Variants in AGA observed in about 807,000 individuals in gnomAD.
AGA encodes the protein aspartylglucosaminidase.
AGA carries 31 observed loss-of-function variants against 40.1 expected under a neutral mutation model. The ratio of observed to expected loss-of-function variants is 0.77; its 90% CI spans 0.58 to 1.04. AGA has a LOEUF of 1.04. Among genes scored for constraint, AGA ranks in the 50% least tolerant of loss-of-function variants. The pLI is 0.00. For missense variants in AGA, 445 were observed against 435.4 expected (o/e 1.02, Z -0.20); for synonymous variants, 148 against 144.0 (o/e 1.03, Z -0.20).
In AGA at chr4:177,432,061, C is replaced by T. The variant is rs114891244; in HGVS notation, c.941-253G>A. On this transcript the variant is annotated intron_variant, in intron 8 of 8. Coordinates refer to ENST00000264595, the MANE Select transcript of AGA (RefSeq NM_000027.4). ...TTTGTTGTTGTTGTTGATCTATACA[C>T]ATGCTGTCACTGCTACGATTATTTA... 3.3e-3 allele frequency among the ~76,000 whole-genome samples: 510 copies of T among 152,286 alleles called. No homozygotes were observed. The highest frequency in any genetic ancestry group is 0.011 in the African/African-American group (458 of 41,572).
At position 177,442,433 on chromosome 4, in the gene AGA, C is replaced by T. The variant is rs772814540; in HGVS notation, c.-58G>A. On this transcript the variant is annotated 5_prime_UTR_variant, in exon 1 of 9. Coordinates refer to ENST00000264595, the MANE Select transcript of AGA (RefSeq NM_000027.4). ...GTCCCGGCAGCCAGCGATCGCCGAA[C>T]AATTAATCCCCAGTGCCCCGCCCGC... is the stretch of plus-strand genomic sequence containing the variant. 1.2e-6 allele frequency: 2 copies of T among 1,612,244 alleles called. No homozygotes were observed. Among genetic ancestry groups the T allele is most frequent in the South Asian group, 1.1e-5 (1 of 90,980 alleles).
At chr4:177,442,048 G>A (rs1195006842) in intron 1 of AGA, among the ~76,000 whole-genome samples, 1 of 152,200 alleles carries the variant, frequency 6.6e-6, no homozygotes, top group Non-Finnish European at 1.5e-5. Flanking sequence ...AGCGGTAGGT[G>A]GGGAGGATGC....
rs1736858568 is a variant in AGA, at chr4:177,437,406, A to G, written c.621T>C (p.Ile207=). The change falls in exon 5 of 9, where the codon ATT becomes ATC. Residue 207 remains isoleucine, a splice_region_variant and synonymous_variant. Coordinates refer to ENST00000264595, the MANE Select transcript of AGA (RefSeq NM_000027.4). ...ETEDDRGHDT[I]GMVVIHKTGH... is the part of the protein sequence containing the mutation. ...AAAACTGCACAAAAGGCAAATTACCAATAGTGTCATGACCACGATCATCTT... is the reference window on the plus strand; with the variant it reads ...AAAACTGCACAAAAGGCAAATTACCGATAGTGTCATGACCACGATCATCTT... The G allele has an allele frequency of 1.3e-6, 2 of 1,597,262 alleles. No homozygotes were observed. Among genetic ancestry groups the G allele is most frequent in the Admixed American group, 1.7e-5 (1 of 59,974 alleles).
rs762488104 is a variant in AGA at position 177,442,385 on chromosome 4, C to G, written c.-10G>C. On this transcript the variant is annotated 5_prime_UTR_variant, in exon 1 of 9. Coordinates refer to ENST00000264595, the MANE Select transcript of AGA (RefSeq NM_000027.4). ...TCGACTTCCGCGCCATCCCTGACCA[C>G]CGAAGAGACCAGCGCGAGAAAAGTC... The G allele has an allele frequency of 6.2e-7, 1 of 1,613,886 alleles. No individual in the cohort carries two copies. Among genetic ancestry groups the G allele is most frequent in the East Asian group, 2.2e-5 (1 of 44,880 alleles).
At position 177,433,080 on chromosome 4, in the gene AGA, C is replaced by T. The variant is rs911990155; in HGVS notation, c.940+134G>A. The T allele has an allele frequency of 4.2e-4, 524 of 1,251,410 alleles. 2 individuals carry two copies. The highest frequency in any genetic ancestry group is 5.3e-4 in the Non-Finnish European group (462 of 876,646). The allele number at this position is 1,251,410 out of a possible 1,614,324, so 77.5% of individuals were successfully genotyped here. On this transcript the variant is annotated intron_variant, in intron 8 of 8. Transcript: ENST00000264595. ...TGTGGGTCTTGAGATCATCAATGAA[C>T]ATTTACTCAATGCCCACTTAAGGAG...
chr4:177,439,304 C>T (rs1026749035), intron 3 of AGA, among the ~76,000 whole-genome samples: 1 of 152,110 alleles, frequency 6.6e-6, no homozygotes, highest in African/African-American at 2.4e-5. Flanking sequence ...TCACTTGAAC[C>T]CAGGAGGCAG....
rs537759103 is a variant in AGA at position 177,440,240 on chromosome 4, A to C, written c.281+33T>G. ...AGACCACAACTCTAAATGTAACTCAACATAATAAATAGGACCTGAACGGTG... is the reference window on the plus strand; with the variant it reads ...AGACCACAACTCTAAATGTAACTCACCATAATAAATAGGACCTGAACGGTG... On this transcript the variant is annotated intron_variant, in intron 2 of 8. Transcript: ENST00000264595. 5.0e-6 allele frequency: 8 copies of C among 1,613,016 alleles called. No individual in the cohort carries two copies. The South Asian group carries it at 7.7e-5, about 15-fold the overall frequency.
intron 8 of AGA, 130 bp from the exon 9 acceptor site, chr4:177,431,938 C>A (rs1417843536): frequency 2.6e-6 from 2 of 761,682 alleles, no homozygotes; most frequent in Non-Finnish European, 2.3e-6. Flanking sequence ...TGGAAATACA[C>A]TAGTGTCATC....
At chr4:177,436,424 CTGGTAATAACTGCTG>C in intron 5 of AGA, 73 bp from the exon 6 acceptor site, 1 of 965,876 alleles carries the variant, frequency 1.0e-6, no homozygotes, top group Admixed American at 1.8e-5. Context: ...AATTGAGCAA[CTGGTAATAACTGCTG>C]TGCTCTGAAT....
Position 177,441,722 on chromosome 4 carries a change from C to CAGATA in AGA, c.127+526_127+527insTATCT, listed in dbSNP as rs535279615. 2.0e-3 allele frequency among the ~76,000 whole-genome samples: 299 copies of CAGATA among 152,168 alleles called. 1 individual carries two copies. The highest frequency in any genetic ancestry group is 7.1e-3 in the African/African-American group (293 of 41,498). ...GGCAGGATGATTTTTGAGAAGCTCC[C>CAGATA]CAGATAGTGTGAATGTACAGCAAAG... On this transcript the variant is annotated intron_variant, in intron 1 of 8. Coordinates refer to ENST00000264595, the MANE Select transcript of AGA (RefSeq NM_000027.4).
intron 7 of AGA, among the ~76,000 whole-genome samples, chr4:177,434,172 T>G (rs2111008414): frequency 6.6e-6 from 1 of 152,072 alleles, no homozygotes; most frequent in Non-Finnish European, 1.5e-5. Context: ...TTTTTTGTAT[T>G]TTTAGTAGAA....
At position 177,440,412 on chromosome 4, in the gene AGA, C is replaced by T; in HGVS notation, c.142G>A (p.Ala48Thr). The change falls in exon 2 of 9, where the codon GCA becomes ACA. Residue 48 changes from alanine (A) to threonine (T), a missense_variant. Ala to Thr is a moderately conservative substitution (Grantham distance 58). Coordinates refer to ENST00000264595, the MANE Select transcript of AGA (RefSeq NM_000027.4). ...NATEAAWRALASGGSALDAVE... is the reference protein window; with the variant it reads ...NATEAAWRALTSGGSALDAVE... ...GCATCCAGGGCAGAGCCTCCAGATGCTAATGCCCTCCACGCTGTTAATCAA... is the reference window on the plus strand; with the variant it reads ...GCATCCAGGGCAGAGCCTCCAGATGTTAATGCCCTCCACGCTGTTAATCAA... 1 of 1,613,960 alleles carries T rather than the reference C, an allele frequency of 6.2e-7. No individual in the cohort carries two copies. The highest frequency in any genetic ancestry group is 8.5e-7 in the Non-Finnish European group (1 of 1,180,024).
At chr4:177,433,742 G>A (rs1159970745) in intron 7 of AGA, among the ~76,000 whole-genome samples, 1 of 152,178 alleles carries the variant, frequency 6.6e-6, no homozygotes, top group Non-Finnish European at 1.5e-5. Context: ...GGTACACGAT[G>A]ACTGCACTTC....
rs765070743 is a variant in AGA, at chr4:177,439,651, G to T, written c.319C>A (p.Arg107=). 1.9e-6 allele frequency: 3 copies of T among 1,613,890 alleles called. No homozygotes were observed. Among genetic ancestry groups the T allele is most frequent in the Non-Finnish European group, 2.5e-6 (3 of 1,179,898 alleles). ...GCCACACCAATAGCATTTTTAATTC[G>T]TCTGAGATCTCCTACTGCTCCTACA... ...MDVGAVGDLR[R]IKNAIGVARK... The change falls in exon 3 of 9, where the codon CGA becomes AGA. Residue 107 remains arginine, a synonymous_variant. Transcript: ENST00000264595.
chr4:177,439,100 C>T (rs572758753), intron 3 of AGA, among the ~76,000 whole-genome samples: 4 of 152,168 alleles, frequency 2.6e-5, no homozygotes, highest in East Asian at 1.9e-4. Context: ...GTTCTCGTCC[C>T]GGCCAGGCGC....
chr4:177,433,906 C>T (rs187860557), intron 7 of AGA, among the ~76,000 whole-genome samples: 89 of 151,278 alleles, frequency 5.9e-4, no homozygotes, highest in African/African-American at 2.0e-3. Context: ...TTATCATTAT[C>T]AAAATGATAG....
chr4:177,434,622 G>A, intron 6 of AGA, 133 bp from the exon 7 acceptor site: 1 of 725,706 alleles, frequency 1.4e-6, no homozygotes, highest in Non-Finnish European at 2.4e-6. Flanking sequence ...TCGGAACAAA[G>A]ACAGAACAGG....
intron 5 of AGA, 127 bp from the exon 6 acceptor site, chr4:177,436,478 A>T: frequency 1.3e-6 from 1 of 784,582 alleles, no homozygotes; most frequent in Non-Finnish European, 2.2e-6. Flanking sequence ...TCATGTCAAC[A>T]TCCTATTCCA....
In AGA at chr4:177,434,488, G is replaced by C. The variant is rs572348048; in HGVS notation, c.700C>G (p.Arg234Gly). 1 of 1,613,336 alleles carries C rather than the reference G, an allele frequency of 6.2e-7. No individual in the cohort carries two copies. The highest frequency in any genetic ancestry group is 8.5e-7 in the Non-Finnish European group (1 of 1,179,334). The change falls in exon 7 of 9, where the codon CGT becomes GGT. Residue 234 changes from arginine to glycine, a missense_variant and splice_region_variant. Transcript: ENST00000264595. ...CCAGGTATTGGTGAGTCTCCTACAC[G>C]GCTTTGAGAGGGTATTAACAATTTA... is the stretch of plus-strand genomic sequence containing the variant. ...TNGIKFKIHG[R>G]VGDSPIPGAG...
Sources: gnomAD v4.1 joint callset for allele counts (sites outside exome capture counted in the v4.1 genomes callset) on GRCh38, gnomAD v4.1.1 for gene constraint, MANE v1.5 for transcripts, NCBI Gene and HGNC (gene_info 2026-07-23, HGNC 2026-07-21) for gene names.